Variants in ZNF878 observed in about 807,000 individuals in gnomAD.
ZNF878 encodes zinc finger protein 878.
A neutral mutation model predicts 11.1 loss-of-function variants in ZNF878; 10 were observed. The observed-to-expected ratio is 0.90, with a 90% CI of 0.56 to 1.53. The LOEUF is 1.53. ZNF878 is among the 40% of genes most tolerant of loss of function. ZNF878 has a pLI of 0.00. For synonymous variants in ZNF878, 165 were observed against 209.7 expected, an observed-to-expected ratio of 0.79 and a Z score of 1.84; for missense variants, 548 against 626.1, an observed-to-expected ratio of 0.88 and a Z score of 1.33.
At position 12,044,750 on chromosome 19, in the gene ZNF878, G is replaced by A; in HGVS notation, c.651C>T (p.His217=). The A allele has an allele frequency of 6.2e-7, 1 of 1,614,154 alleles. No individual in the cohort carries two copies. Among genetic ancestry groups the A allele is most frequent in the African/African-American group, 1.3e-5 (1 of 75,036 alleles). Residue 217 remains histidine, a synonymous_variant, in exon 4 of 4, where the codon CAC becomes CAT. Coordinates refer to ENST00000547628, the MANE Select transcript of ZNF878 (RefSeq NM_001080404.3). ...ALSYLVSFQT[H]MRMHTGERPH... is the part of the protein sequence containing the mutation. Reference sequence around the variant, plus strand: ...GTCTCTCTCCAGTGTGCATTCTCATGTGTGTCTGAAAGCTTACAAGATAAG... The same window carrying A: ...GTCTCTCTCCAGTGTGCATTCTCATATGTGTCTGAAAGCTTACAAGATAAG...
chr19:12,046,134 C>G, intron 3 of ZNF878: 1 of 461,974 alleles, frequency 2.2e-6, no homozygotes, highest in Non-Finnish European at 3.8e-6. Context: ...GTGATGCCAT[C>G]ATGACTCAGT....
intron 1 of ZNF878, among the ~76,000 whole-genome samples, chr19:12,049,121 C>T (rs950717357): frequency 3.0e-4 from 42 of 140,388 alleles, no homozygotes; most frequent in African/African-American, 1.0e-3. Context: ...CCAGCCTGGG[C>T]GAGAGGCAGC....
intron 1 of ZNF878, 69 bp downstream of exon 1, chr19:12,052,730 C>T (rs1975563481): frequency 6.5e-6 from 10 of 1,530,152 alleles, no homozygotes; most frequent in Admixed American, 2.0e-5. Flanking sequence ...GGCCCCGCCA[C>T]AGCGGGTTCC....
intron 1 of ZNF878, among the ~76,000 whole-genome samples, chr19:12,048,483 A>G (rs916287397): frequency 6.7e-6 from 1 of 148,858 alleles, no homozygotes; most frequent in Non-Finnish European, 1.5e-5. Context: ...GAGCCACTGC[A>G]CTCCAGCCTG....
intron 1 of ZNF878, among the ~76,000 whole-genome samples, chr19:12,051,726 G>T (rs1248173263): frequency 6.6e-6 from 1 of 152,090 alleles, no homozygotes; most frequent in Admixed American, 6.5e-5. Flanking sequence ...TGGCCAATAT[G>T]GTGAAACCCG....
Position 12,043,956 on chromosome 19 carries a change from T to G in ZNF878, c.1445A>C (p.Lys482Thr), listed in dbSNP as rs1975424279. 1 of 1,610,726 alleles carries G rather than the reference T, an allele frequency of 6.2e-7. No individual in the cohort carries two copies. The highest frequency in any genetic ancestry group is 1.3e-5 in the African/African-American group (1 of 74,828). ...THTGEKPYKC[K>T]QCGKAFISSN... ...AGAAATGAAGGCTTTCCCACACTGT[T>G]TACATTTATAGGGTTTCTCTCCAGT... is the stretch of plus-strand genomic sequence containing the variant. The change falls in exon 4 of 4, where the codon AAA becomes ACA. Residue 482 changes from lysine (K) to threonine (T), a missense_variant. Physicochemically the swap from Lys to Thr is moderately conservative, Grantham distance 78. Coordinates refer to ENST00000547628, the MANE Select transcript of ZNF878 (RefSeq NM_001080404.3).
At chr19:12,051,297 TCAAA>T (rs974103487) in intron 1 of ZNF878, among the ~76,000 whole-genome samples, 22 of 152,084 alleles carry the variant, frequency 1.4e-4, no homozygotes, top group South Asian at 4.1e-4. Flanking sequence ...AAACTCCGTC[TCAAA>T]CAAACAAACA....
intron 1 of ZNF878, 145 bp from the exon 2 acceptor site, chr19:12,046,905 C>G: frequency 8.0e-7 from 1 of 1,247,658 alleles, no homozygotes; most frequent in East Asian, 2.4e-5. Flanking sequence ...ATCCCTTACT[C>G]TGTCTACACT....
intron 1 of ZNF878, among the ~76,000 whole-genome samples, chr19:12,048,631 C>T (rs1459750207): frequency 2.0e-5 from 3 of 151,588 alleles, no homozygotes; most frequent in South Asian, 2.1e-4. Context: ...CTCAGGAGTT[C>T]GAGACCAGCC....
chr19:12,049,383 C>T (rs1186479759), intron 1 of ZNF878, among the ~76,000 whole-genome samples: 7 of 122,680 alleles, frequency 5.7e-5, no homozygotes, highest in Admixed American at 2.2e-4. Context: ...ATCGCTTGGA[C>T]CCAGGAGATA....
Position 12,044,043 on chromosome 19 carries a change from C to T in ZNF878, c.1358G>A (p.Cys453Tyr), listed in dbSNP as rs2145517088. The T allele has an allele frequency of 6.2e-7, 1 of 1,614,014 alleles. No individual in the cohort carries two copies. Among genetic ancestry groups the T allele is most frequent in the East Asian group, 2.2e-5 (1 of 44,860 alleles). ...AATGAAGGCTTTTCCACATTGCTTA[C>T]ACTCATAGGGTTTCTCTCCTGTGTG... ...RTHTGEKPYE[C>Y]KQCGKAFISS... Residue 453 changes from cysteine to tyrosine, a missense_variant, in exon 4 of 4, where the codon TGT becomes TAT. Around this residue, in one of 3 missense-constraint regions of ZNF878, gnomAD observed 335 missense variants for 358.2 expected, o/e 0.94. Coordinates refer to ENST00000547628, the MANE Select transcript of ZNF878 (RefSeq NM_001080404.3).
rs753900262 is a variant in ZNF878 at position 12,052,933 on chromosome 19, C to T, written c.-132G>A. 9.3e-6 allele frequency: 13 copies of T among 1,395,204 alleles called. No homozygotes were observed. Among genetic ancestry groups the T allele is most frequent in the Non-Finnish European group, 1.3e-5 (13 of 1,031,610 alleles). 86.4% of individuals were successfully genotyped at this position (1,395,204 alleles called of 1,614,324 possible). On this transcript the variant is annotated 5_prime_UTR_variant, in exon 1 of 4. Transcript: ENST00000547628. ...CCTCTCGGAGCAAGAAAGCCCCAGA[C>T]CTTAACTAGCGCGAGCAGCCCTAGG... is the stretch of plus-strand genomic sequence containing the variant.
intron 1 of ZNF878, among the ~76,000 whole-genome samples, chr19:12,050,623 ACC>A: frequency 6.6e-6 from 1 of 152,210 alleles, no homozygotes; most frequent in East Asian, 1.9e-4. Flanking sequence ...TTTCTTTCTT[ACC>A]TATATTGTTT....
intron 3 of ZNF878, 120 bp from the exon 4 acceptor site, chr19:12,045,329 A>G: frequency 2.4e-6 from 2 of 850,690 alleles, no homozygotes; most frequent in Non-Finnish European, 3.5e-6. Flanking sequence ...CTGTCTGAAC[A>G]TGAATGGAAC....
Position 12,046,405 on chromosome 19 carries a change from T to G in ZNF878, c.154A>C (p.Ile52Leu), listed in dbSNP as rs746274623. 1 of 1,577,548 alleles carries G rather than the reference T, an allele frequency of 6.3e-7. No homozygotes were observed. The highest frequency in any genetic ancestry group is 1.3e-5 in the African/African-American group (1 of 74,098). The part of the protein sequence containing the change: ...SIGKKWNNQY[I>L]EDEHQNPRRN... ...CTAGGATTTTGGTGCTCATCTTCAA[T>G]GTACTGGTTGTTCCATTTTTTTCCT... Residue 52 changes from isoleucine to leucine, a missense_variant, in exon 3 of 4, where the codon ATT becomes CTT. This residue lies in a region of ZNF878 where 160 missense variants were observed against 173.3 expected (regional missense o/e 0.92). Transcript: ENST00000547628.
intron 1 of ZNF878, among the ~76,000 whole-genome samples, chr19:12,047,562 G>A (rs1208493726): frequency 5.5e-5 from 8 of 145,546 alleles, no homozygotes; most frequent in Admixed American, 1.3e-4. Context: ...AGACTCCATC[G>A]GTTAAAAAAA....
chr19:12,052,563 G>A (rs1341598715), intron 1 of ZNF878, among the ~76,000 whole-genome samples: 1 of 152,190 alleles, frequency 6.6e-6, no homozygotes, highest in African/African-American at 2.4e-5. Context: ...CTCAGAGAGG[G>A]AGCCGGGGCC....
chr19:12,047,581 T>A (rs1419544251), intron 1 of ZNF878, among the ~76,000 whole-genome samples: 8 of 149,418 alleles, frequency 5.4e-5, no homozygotes, highest in African/African-American at 1.5e-4. Flanking sequence ...AAAAAAAAAA[T>A]TCTAATTGAT....
rs373583823 is a variant in ZNF878 at position 12,044,421 on chromosome 19, C to A, written c.980G>T (p.Arg327Leu). The A allele has an allele frequency of 1.2e-6, 2 of 1,610,992 alleles. No individual in the cohort carries two copies. The highest frequency in any genetic ancestry group is 1.7e-6 in the Non-Finnish European group (2 of 1,179,162). ...GKGFISSTSFRYHEKTHTGEK... is the reference protein window; with the variant it reads ...GKGFISSTSFLYHEKTHTGEK... The stretch of plus-strand genomic sequence containing the variant: ...TCCAGTGTGAGTCTTTTCATGATAG[C>A]GAAAGGAAGTGGAAGAAATAAATCC... Residue 327 changes from arginine (R) to leucine (L), a missense_variant, in exon 4 of 4, where the codon CGC becomes CTC. Around this residue, in one of 3 missense-constraint regions of ZNF878, gnomAD observed 335 missense variants for 358.2 expected, o/e 0.94. Transcript: ENST00000547628.
Sources: allele counts gnomAD v4.1 joint callset (sites outside exome capture counted in the v4.1 genomes callset), GRCh38; gene constraint gnomAD v4.1.1; regional missense constraint gnomAD v4.1.1; transcripts MANE v1.5; gene names NCBI Gene and HGNC (gene_info 2026-07-23, HGNC 2026-07-21).